The following LRRC72 variants were observed in gnomAD, a reference collection of about 807,000 sequenced individuals.
The protein encoded by LRRC72 is leucine rich repeat containing 72, also known as leucine-rich repeat-containing protein 72.
LRRC72 carries 41 observed loss-of-function variants against 35.8 expected under a neutral mutation model. The ratio of observed to expected loss-of-function variants is 1.15; its 90% CI spans 0.89 to 1.49. The LOEUF is 1.49. LRRC72 is among the 40% of genes most tolerant of loss of function. The pLI, the probability that LRRC72 is intolerant of heterozygous loss-of-function variation, is 0.00. For missense variants in LRRC72, 389 were observed against 330.7 expected, an observed-to-expected ratio of 1.18 and a Z score of -1.37; for synonymous variants, 118 against 119.2, an observed-to-expected ratio of 0.99 and a Z score of 0.07.
intron 1 of LRRC72, among the ~76,000 whole-genome samples, chr7:16,529,497 C>T (rs1782127580): frequency 6.6e-6 from 1 of 151,908 alleles, no homozygotes; most frequent in African/African-American, 2.4e-5. Context: ...CGAACTGTGC[C>T]CCTATAACAT....
chr7:16,578,542 G>A (rs1436829313), intron 7 of LRRC72, among the ~76,000 whole-genome samples: 9 of 152,080 alleles, frequency 5.9e-5, no homozygotes, highest in Non-Finnish European at 4.4e-5. Context: ...TGAAAAAATA[G>A]TATACTATGA....
intron 1 of LRRC72, among the ~76,000 whole-genome samples, chr7:16,531,180 CAAAAAAA>C: frequency 8.5e-6 from 1 of 117,586 alleles, no homozygotes; most frequent in Admixed American, 8.9e-5. Flanking sequence ...AAAACTCTCT[CAAAAAAA>C]AAAAAAAGAA....
intron 6 of LRRC72, among the ~76,000 whole-genome samples, chr7:16,567,142 G>A (rs1487125508): frequency 6.6e-6 from 1 of 152,164 alleles, no homozygotes; most frequent in Admixed American, 6.5e-5. Flanking sequence ...CCTTGGTGAT[G>A]TGTTAAAGGG....
chr7:16,576,155 G>C (rs2128339254), intron 7 of LRRC72, among the ~76,000 whole-genome samples: 1 of 152,202 alleles, frequency 6.6e-6, no homozygotes, highest in South Asian at 2.1e-4. Flanking sequence ...CTATATCATA[G>C]CAACTAAAAA....
chr7:16,536,676 G>A (rs1782264154), intron 2 of LRRC72, among the ~76,000 whole-genome samples: 1 of 152,000 alleles, frequency 6.6e-6, no homozygotes, highest in Non-Finnish European at 1.5e-5. Flanking sequence ...GTTTAGAAAT[G>A]GTTGCATGCT....
intron 4 of LRRC72, 118 bp from the exon 5 acceptor site, chr7:16,558,771 T>TG: frequency 2.5e-6 from 1 of 401,336 alleles, no homozygotes; most frequent in Non-Finnish European, 4.4e-6. Context: ...AGCTATCATA[T>TG]GTTTTCCTTT....
At chr7:16,527,421 T>A (rs1472145105) in intron 1 of LRRC72, among the ~76,000 whole-genome samples, 1 of 151,880 alleles carries the variant, frequency 6.6e-6, no homozygotes, top group East Asian at 1.9e-4. Flanking sequence ...AAACGGAGAT[T>A]AAGTAAATTT....
intron 3 of LRRC72, among the ~76,000 whole-genome samples, chr7:16,540,012 A>G (rs1782328269): frequency 6.6e-6 from 1 of 152,150 alleles, no homozygotes; most frequent in Non-Finnish European, 1.5e-5. Flanking sequence ...TGCCTAGTGG[A>G]GTTGTGAGAA....
intron 3 of LRRC72, among the ~76,000 whole-genome samples, chr7:16,548,562 G>A (rs1017317027): frequency 1.3e-5 from 2 of 152,148 alleles, no homozygotes; most frequent in African/African-American, 4.8e-5. Context: ...GATACACCTG[G>A]CCCAGCCACA....
At chr7:16,542,747 G>A (rs920514186) in intron 3 of LRRC72, among the ~76,000 whole-genome samples, 1 of 152,218 alleles carries the variant, frequency 6.6e-6, no homozygotes, top group Non-Finnish European at 1.5e-5. Context: ...AATTGTGAGA[G>A]AGGTGTGTAG....
intron 3 of LRRC72, among the ~76,000 whole-genome samples, chr7:16,553,384 C>A (rs1482473857): frequency 2.0e-5 from 3 of 152,146 alleles, no homozygotes; most frequent in Admixed American, 1.3e-4. Context: ...AGTTGTTTAA[C>A]TTCTCTGAGC....
At chr7:16,541,858 C>T (rs1352201769) in intron 3 of LRRC72, among the ~76,000 whole-genome samples, 1 of 152,166 alleles carries the variant, frequency 6.6e-6, no homozygotes, top group Non-Finnish European at 1.5e-5. Flanking sequence ...TTGCAGTGAG[C>T]CGAGATTGTG....
At chr7:16,527,760 TAA>T (rs1446747745) in intron 1 of LRRC72, among the ~76,000 whole-genome samples, 2 of 152,172 alleles carry the variant, frequency 1.3e-5, no homozygotes, top group Non-Finnish European at 2.9e-5. Context: ...CTCTTCACAC[TAA>T]GTCCTAACTT....
chr7:16,568,746 G>C (rs1253264548), intron 7 of LRRC72, among the ~76,000 whole-genome samples: 1 of 152,010 alleles, frequency 6.6e-6, no homozygotes, highest in South Asian at 2.1e-4. Flanking sequence ...TTCACCAAAG[G>C]CAAAACCATC....
intron 7 of LRRC72, among the ~76,000 whole-genome samples, chr7:16,567,949 C>T (rs1351971667): frequency 6.6e-6 from 1 of 152,060 alleles, no homozygotes; most frequent in Non-Finnish European, 1.5e-5. Flanking sequence ...AGATCATCTG[C>T]AATTCTACCA....
Position 16,574,236 on chromosome 7 carries a change from T to A in LRRC72, c.671-5838T>A, listed in dbSNP as rs550195858. ...TTAGTTCAACCATTGTGGAAGACAATGTGGCGATTCCTCAAGGATCTAGAA... is the reference window on the plus strand; with the variant it reads ...TTAGTTCAACCATTGTGGAAGACAAAGTGGCGATTCCTCAAGGATCTAGAA... On this transcript the variant is annotated intron_variant, in intron 7 of 8. Coordinates refer to ENST00000401542, the MANE Select transcript of LRRC72 (RefSeq NM_001195280.2). Among the ~76,000 whole-genome samples, 28 of 152,312 alleles carry A rather than the reference T, an allele frequency of 1.8e-4. No individual in the cohort carries two copies. The South Asian group carries it at 3.1e-3, about 17-fold the overall frequency.
intron 3 of LRRC72, among the ~76,000 whole-genome samples, chr7:16,541,219 C>G (rs1782351587): frequency 6.6e-6 from 1 of 152,324 alleles, no homozygotes; most frequent in South Asian, 2.1e-4. Flanking sequence ...AATTCATCTT[C>G]CGACAGCTTG....
At chr7:16,561,503 G>C (rs1008508305) in intron 5 of LRRC72, among the ~76,000 whole-genome samples, 1 of 152,188 alleles carries the variant, frequency 6.6e-6, no homozygotes, top group African/African-American at 2.4e-5. Flanking sequence ...TGCCAGGCAT[G>C]AGGAGTGGGA....
At chr7:16,554,533 T>A (rs189365965) in intron 3 of LRRC72, among the ~76,000 whole-genome samples, 1 of 152,308 alleles carries the variant, frequency 6.6e-6, no homozygotes, top group East Asian at 1.9e-4. Context: ...CAAATTCTTC[T>A]GATTTAGGGA....
Sources: gnomAD v4.1 joint callset for allele counts (sites outside exome capture counted in the v4.1 genomes callset) on GRCh38, gnomAD v4.1.1 for gene constraint, MANE v1.5 for transcripts, NCBI Gene and HGNC (gene_info 2026-07-23, HGNC 2026-07-21) for gene names.